EPG5: variants seen among roughly 807,000 people sequenced by gnomAD.
EPG5 encodes the protein ectopic P granules protein 5 homolog.
Under a neutral mutation model 302.7 loss-of-function variants are expected in EPG5, and 159 were observed. That is an observed-to-expected ratio of 0.53 (90% CI 0.46 to 0.60). The LOEUF (loss-of-function observed/expected upper bound fraction) is 0.60, where lower values mean the gene tolerates loss of function less well. Among genes scored for constraint, EPG5 ranks in the 20% least tolerant of loss-of-function variants. EPG5 has a pLI of 0.00. For missense variants in EPG5, 2,896 were observed against 3,092.4 expected (o/e 0.94, Z 1.51); for synonymous variants, 1,158 against 1,136.8 (o/e 1.02, Z -0.37).
chr18:45,859,259 CTG>C (rs1167367238), intron 40 of EPG5, among the ~76,000 whole-genome samples: 1 of 152,172 alleles, frequency 6.6e-6, no homozygotes, highest in Admixed American at 6.5e-5. Context: ...TGTATTGAAA[CTG>C]TTTGATTTTT....
chr18:45,820,715 T>C, the EPG5 span, among the ~76,000 whole-genome samples: 3 of 152,000 alleles, frequency 2.0e-5, no homozygotes, highest in African/African-American at 7.3e-5. Flanking sequence ...GCCCTTAAGC[T>C]CCCCAGAAAC....
At chr18:45,861,477 C>T (rs968459143) in intron 39 of EPG5, among the ~76,000 whole-genome samples, 8 of 152,196 alleles carry the variant, frequency 5.3e-5, no homozygotes, top group Non-Finnish European at 1.2e-4. Context: ...CATATCTGAT[C>T]CTATCACTCT....
At chr18:45,829,955 T>G in the EPG5 span, among the ~76,000 whole-genome samples, 1 of 152,152 alleles carries the variant, frequency 6.6e-6, no homozygotes, top group Non-Finnish European at 1.5e-5. Flanking sequence ...TGGCCATTAT[T>G]CCACCACGAC....
rs749329481 is a variant in EPG5, at chr18:45,913,681, T to G, written c.3816+25A>C. 3 of 1,613,306 alleles carry G rather than the reference T, an allele frequency of 1.9e-6. No homozygotes were observed. The South Asian group carries it at 3.3e-5, about 18-fold the overall frequency. On this transcript the variant is annotated intron_variant, in intron 21 of 43. Transcript: ENST00000282041. Reference sequence around the variant, plus strand: ...CAAAGTGTAAGCCACCTTCTACCACTCAAATGCAGAACTGCTATTTGTACC... The same window carrying G: ...CAAAGTGTAAGCCACCTTCTACCACGCAAATGCAGAACTGCTATTTGTACC...
chr18:45,824,235 C>T, the EPG5 span, among the ~76,000 whole-genome samples: 2 of 152,186 alleles, frequency 1.3e-5, no homozygotes, highest in Non-Finnish European at 2.9e-5. Context: ...GAGACGGAGT[C>T]TCGCTCTGTC....
At chr18:45,948,479 T>G in intron 6 of EPG5, 24 bp downstream of exon 6, 11 of 1,595,178 alleles carry the variant, frequency 6.9e-6, no homozygotes, top group Non-Finnish European at 9.5e-6. Context: ...CAATCTCTAC[T>G]TCACAAAGCT....
intron 17 of EPG5, 27 bp downstream of exon 17, chr18:45,917,652 C>G (rs1187236140): frequency 6.8e-6 from 11 of 1,612,926 alleles, no homozygotes; most frequent in Non-Finnish European, 9.3e-6. Flanking sequence ...TTAAGAGTGT[C>G]TCCTGCCATA....
chr18:45,880,343 C>G (rs1173554524), intron 31 of EPG5, 120 bp from the exon 32 acceptor site: 1 of 986,584 alleles, frequency 1.0e-6, no homozygotes, highest in Non-Finnish European at 1.4e-6. Flanking sequence ...CCAAAACAAA[C>G]TCACAGGGAT....
intron 16 of EPG5, among the ~76,000 whole-genome samples, chr18:45,920,460 A>T (rs1224313407): frequency 6.6e-6 from 1 of 152,188 alleles, no homozygotes; most frequent in African/African-American, 2.4e-5. Flanking sequence ...GGAATACCTG[A>T]GACTGGGCAA....
At chr18:45,840,643 A>T in the EPG5 span, among the ~76,000 whole-genome samples, 6 of 152,226 alleles carry the variant, frequency 3.9e-5, no homozygotes, top group Admixed American at 3.3e-4. Flanking sequence ...GACCCCTAGG[A>T]AATCACTGAC....
intron 27 of EPG5, among the ~76,000 whole-genome samples, chr18:45,895,900 G>A (rs1028107065): frequency 1.3e-5 from 2 of 152,020 alleles, no homozygotes; most frequent in Non-Finnish European, 2.9e-5. Context: ...CAAAACTAAA[G>A]TCATCCATAA....
intron 25 of EPG5, among the ~76,000 whole-genome samples, chr18:45,902,399 AT>A (rs2049640120): frequency 1.3e-5 from 2 of 152,256 alleles, no homozygotes; most frequent in Non-Finnish European, 1.5e-5. Context: ...TTCAAGCAAC[AT>A]AAGAGGCCAT....
chr18:45,848,548 C>CA lies in EPG5; in HGVS notation c.*3918dup, dbSNP rs1463714085. 5.9e-5 allele frequency: 9 copies of CA among 152,230 alleles called. No homozygotes were observed. The highest frequency in any genetic ancestry group is 1.0e-4 in the Non-Finnish European group (7 of 68,044). The allele number at this position is 152,230 out of a possible 1,614,324, so 9.4% of individuals were successfully genotyped here. ...GACCACACTGGTGCGACTCTAACCC[C>CA]AGGGCTGGGGCCAGAATGAGGTAAA... On this transcript the variant is annotated 3_prime_UTR_variant, in exon 44 of 44. Coordinates refer to ENST00000282041, the MANE Select transcript of EPG5 (RefSeq NM_020964.3).
intron 39 of EPG5, among the ~76,000 whole-genome samples, chr18:45,863,227 T>C (rs1293729377): frequency 6.6e-6 from 1 of 152,366 alleles, no homozygotes; most frequent in East Asian, 1.9e-4. Context: ...TAGATGTTTT[T>C]GGTTATTAAC....
intron 27 of EPG5, among the ~76,000 whole-genome samples, chr18:45,893,121 T>C (rs2049387408): frequency 6.6e-6 from 1 of 152,142 alleles, no homozygotes; most frequent in African/African-American, 2.4e-5. Flanking sequence ...CAAAACGACC[T>C]GGCAATATTG....
chr18:45,921,997 C>A (rs529627785), intron 16 of EPG5, among the ~76,000 whole-genome samples: 1 of 149,614 alleles, frequency 6.7e-6, no homozygotes, highest in Non-Finnish European at 1.5e-5. Context: ...AGTTGGGCTA[C>A]GATCAATTTT....
At chr18:45,897,367 T>C (rs372058755) in intron 27 of EPG5, among the ~76,000 whole-genome samples, 3 of 152,386 alleles carry the variant, frequency 2.0e-5, no homozygotes, top group East Asian at 3.9e-4. Context: ...GGCAAAGATA[T>C]GTAGTTTTAA....
chr18:45,884,864 A>T, intron 29 of EPG5, 53 bp from the exon 30 acceptor site: 3 of 1,358,728 alleles, frequency 2.2e-6, no homozygotes, highest in Non-Finnish European at 2.9e-6. Flanking sequence ...CACAACCTTT[A>T]TTTAAGCAAG....
At chr18:45,899,335 C>G in intron 27 of EPG5, 69 bp downstream of exon 27, 1 of 1,568,014 alleles carries the variant, frequency 6.4e-7, no homozygotes, top group Non-Finnish European at 8.8e-7. Context: ...TTCAATCTTT[C>G]TCATTGATAA....
Sources: allele counts gnomAD v4.1 joint callset (sites outside exome capture counted in the v4.1 genomes callset), GRCh38; gene constraint gnomAD v4.1.1; transcripts MANE v1.5; gene names NCBI Gene and HGNC (gene_info 2026-07-23, HGNC 2026-07-21).